Variants in TSPAN6 observed in about 807,000 individuals in gnomAD.
TSPAN6 encodes tetraspanin 6, also known as tetraspanin-6.
TSPAN6 carries 13 observed loss-of-function variants against 18.0 expected under a neutral mutation model. That is an observed-to-expected ratio of 0.72 (90% confidence interval 0.47 to 1.15). The LOEUF is 1.15. Among genes scored for constraint, TSPAN6 ranks in the 50% most tolerant of loss-of-function variants. TSPAN6 has a pLI of 0.00. For missense variants in TSPAN6, 186 were observed against 183.9 expected (o/e 1.01, Z -0.07); for synonymous variants, 82 against 67.0 (o/e 1.22, Z -1.09).
intron 6 of TSPAN6, among the ~76,000 whole-genome samples, chrX:100,631,648 T>G (rs778164125): frequency 2.7e-5 from 3 of 111,396 alleles, no homozygotes; most frequent in Non-Finnish European, 5.7e-5. Context: ...AGGTTGGAAC[T>G]TGTATACAAC....
chrX:100,630,794 T>G lies in TSPAN6; in HGVS notation c.*4A>C, dbSNP rs745988464. On this transcript the variant is annotated 3_prime_UTR_variant, in exon 7 of 8. Coordinates refer to ENST00000373020, the MANE Select transcript of TSPAN6 (RefSeq NM_003270.4). Reference sequence around the variant, plus strand: ...GAGAGGAATAGGCCCACAGATACATTGGGTTACACTATCTCATACTGGTTA... The same window carrying G: ...GAGAGGAATAGGCCCACAGATACATGGGGTTACACTATCTCATACTGGTTA... The G allele has an allele frequency of 8.3e-7, 1 of 1,209,409 alleles. No homozygotes were observed. The highest frequency in any genetic ancestry group is 1.1e-6 in the Non-Finnish European group (1 of 894,023).
At position 100,635,597 on chromosome X, in the gene TSPAN6, A is replaced by C; in HGVS notation, c.237T>G (p.Cys79Trp). Residue 79 changes from cysteine (C) to tryptophan (W), a missense_variant, in exon 2 of 8, where the codon TGT becomes TGG. Physicochemically the swap from Cys to Trp is radical, Grantham distance 215 (BLOSUM62 -2). Coordinates refer to ENST00000373020, the MANE Select transcript of TSPAN6 (RefSeq NM_003270.4). ...ATGCAGAAGCTCGGCAGGTAGCAAA[A>C]CAACCAAAGGTGCCCAAAAGAATAA... ...TVIILLGTFGCFATCRASAWM... is the reference protein window; with the variant it reads ...TVIILLGTFGWFATCRASAWM... The C allele has an allele frequency of 8.3e-7, 1 of 1,200,524 alleles. No homozygotes were observed. Among genetic ancestry groups the C allele is most frequent in the South Asian group, 1.8e-5 (1 of 54,653 alleles).
At chrX:100,635,767 T>C (rs1258979969) in intron 1 of TSPAN6, 21 bp from the exon 2 acceptor site, 62 of 1,120,514 alleles carry the variant, frequency 5.5e-5, no homozygotes, top group Admixed American at 1.1e-4. Context: ...ATTCAGAGAA[T>C]ACAAACAGTT....
intron 1 of TSPAN6, chrX:100,636,200 A>G: frequency 1.3e-6 from 1 of 793,386 alleles, no homozygotes; most frequent in Non-Finnish European, 1.5e-6. Flanking sequence ...CCTGCGAAAC[A>G]CTCCTCTCTT....
At chrX:100,630,483 G>A (rs1260262111) in intron 7 of TSPAN6, among the ~76,000 whole-genome samples, 1 of 111,710 alleles carries the variant, frequency 9.0e-6, no homozygotes, top group Non-Finnish European at 1.9e-5. Flanking sequence ...ATGATCTTTA[G>A]GCTGACATGT....
Position 100,633,410 on chromosome X carries a change from T to C in TSPAN6, c.580A>G (p.Asn194Asp), listed in dbSNP as rs770328851. The change falls in exon 5 of 8, where the codon AAT becomes GAT. Residue 194 changes from asparagine (N) to aspartate (D), a missense_variant. Transcript: ENST00000373020. ...AATTTTAAAAGGCACCTTACTTCAT[T>C]GTTTACTTTGTCTGCATCTCTCTGT... is the stretch of plus-strand genomic sequence containing the variant. ...TPQRDADKVN[N>D]EGCFIKVMTI... 1.1e-5 allele frequency: 13 copies of C among 1,208,145 alleles called. No homozygotes were observed. Among genetic ancestry groups the C allele is most frequent in the Admixed American group, 4.4e-5 (2 of 45,611 alleles).
rs1047709706 is a variant in TSPAN6, at chrX:100,635,641, T to G, written c.193A>C (p.Ile65Leu). The G allele has an allele frequency of 8.3e-7, 1 of 1,201,546 alleles. No homozygotes were observed. The highest frequency in any genetic ancestry group is 1.8e-5 in the African/African-American group (1 of 57,092). The change falls in exon 2 of 8, where the codon ATT (isoleucine) becomes CTT (leucine). Residue 65 changes from isoleucine to leucine, a missense_variant. Ile to Leu is a conservative substitution (Grantham distance 5, BLOSUM62 2). Transcript: ENST00000373020. ...AGAATAATGACGGTACCAGTAGCAATGAGCACGAAGGGGACATTGGTGGCC... is the reference window on the plus strand; with the variant it reads ...AGAATAATGACGGTACCAGTAGCAAGGAGCACGAAGGGGACATTGGTGGCC... ...EKATNVPFVL[I>L]ATGTVIILLG...
chrX:100,633,822 C>G (rs1186635647), intron 4 of TSPAN6, 109 bp downstream of exon 4: 2 of 565,382 alleles, frequency 3.5e-6, no homozygotes, highest in Non-Finnish European at 5.6e-6. Flanking sequence ...AAATGAAACA[C>G]GTCACACTTC....
rs1297950533 is a variant in TSPAN6, at chrX:100,635,693, C to T, written c.141G>A (p.Glu47=). 1 of 1,188,496 alleles carries T rather than the reference C, an allele frequency of 8.4e-7. No individual in the cohort carries two copies. Among genetic ancestry groups the T allele is most frequent in the South Asian group, 1.9e-5 (1 of 53,410 alleles). Residue 47 remains glutamate, a synonymous_variant, in exon 2 of 8, where the codon GAG becomes GAA. Coordinates refer to ENST00000373020, the MANE Select transcript of TSPAN6 (RefSeq NM_003270.4). ...TCTCATTTAAAAGAGAAAAGTAATT[C>T]TCCAGGCTCACCTTGCCCCAAATGC... ...AVGIWGKVSL[E]NYFSLLNEKA... is the part of the protein sequence containing the mutation.
Position 100,627,211 on chromosome X carries a change from T to A in TSPAN6, c.*2815A>T, listed in dbSNP as rs1177923146. 8.9e-6 allele frequency: 1 copy of A among 112,111 alleles called. No individual in the cohort carries two copies. Among genetic ancestry groups the A allele is most frequent in the Non-Finnish European group, 1.9e-5 (1 of 53,271 alleles). 9.2% of individuals were successfully genotyped at this position (112,111 alleles called of 1,213,427 possible). The stretch of plus-strand genomic sequence containing the variant: ...TGGAAATCTAACAAGCTTTTCACAC[T>A]TAAGATATACCTAGAGATTTCTGCT... On this transcript the variant is annotated 3_prime_UTR_variant, in exon 8 of 8. Coordinates refer to ENST00000373020, the MANE Select transcript of TSPAN6 (RefSeq NM_003270.4).
In TSPAN6 at chrX:100,628,768, T is replaced by G. The variant is rs2083040422; in HGVS notation, c.*1258A>C. 1.8e-5 allele frequency: 2 copies of G among 112,327 alleles called. No individual in the cohort carries two copies. Among genetic ancestry groups the G allele is most frequent in the South Asian group, 7.4e-4 (2 of 2,705 alleles). 9.3% of individuals were successfully genotyped at this position (112,327 alleles called of 1,213,427 possible). ...ATATTTGCACTTTAAGATTTTTTTGTTTACATTAAGTTCTGGGATACATGT... is the reference window on the plus strand; with the variant it reads ...ATATTTGCACTTTAAGATTTTTTTGGTTACATTAAGTTCTGGGATACATGT... On this transcript the variant is annotated 3_prime_UTR_variant, in exon 8 of 8. Coordinates refer to ENST00000373020, the MANE Select transcript of TSPAN6 (RefSeq NM_003270.4).
chrX:100,633,850 TAAC>T, intron 4 of TSPAN6, 78 bp downstream of exon 4: 1 of 699,088 alleles, frequency 1.4e-6, no homozygotes, highest in Non-Finnish European at 2.2e-6. Context: ...TACAGGTGGA[TAAC>T]ATCTAGTAGC....
In TSPAN6 at chrX:100,633,915, G is replaced by A; in HGVS notation, c.450+16C>T. On this transcript the variant is annotated intron_variant, in intron 4 of 7. Transcript: ENST00000373020. ...ACAGGGAATGTGTTCCCCTCTAGGTGGTGGTTACCACTTACCGTATTTTGG... is the reference window on the plus strand; with the variant it reads ...ACAGGGAATGTGTTCCCCTCTAGGTAGTGGTTACCACTTACCGTATTTTGG... 8.9e-7 allele frequency: 1 copy of A among 1,118,775 alleles called. No individual in the cohort carries two copies. Among genetic ancestry groups the A allele is most frequent in the Non-Finnish European group, 1.2e-6 (1 of 815,039 alleles). The allele number at this position is 1,118,775 out of a possible 1,213,427, so 92.2% of individuals were successfully genotyped here.
Position 100,628,385 on chromosome X carries a change from C to T in TSPAN6, c.*1641G>A, listed in dbSNP as rs2083038002. 1 of 111,499 alleles carries T rather than the reference C, an allele frequency of 9.0e-6. No individual in the cohort carries two copies. Among genetic ancestry groups the T allele is most frequent in the African/African-American group, 3.3e-5 (1 of 30,626 alleles). The allele number at this position is 111,499 out of a possible 1,213,427, so 9.2% of individuals were successfully genotyped here. On this transcript the variant is annotated 3_prime_UTR_variant, in exon 8 of 8. Transcript: ENST00000373020. ...CTCCAAGCATTTTAAAACACATACTCAAAATTCATGATCATTTAACTAGTA... is the reference window on the plus strand; with the variant it reads ...CTCCAAGCATTTTAAAACACATACTTAAAATTCATGATCATTTAACTAGTA...
At chrX:100,636,465 G>T in intron 1 of TSPAN6, 143 bp downstream of exon 1, 1 of 1,015,289 alleles carries the variant, frequency 9.8e-7, no homozygotes, top group South Asian at 3.5e-5. Context: ...CCCAGTCACT[G>T]GTCGCCGGCG....
At chrX:100,631,461 T>C (rs1161352144) in intron 6 of TSPAN6, among the ~76,000 whole-genome samples, 1 of 112,138 alleles carries the variant, frequency 8.9e-6, no homozygotes, top group Non-Finnish European at 1.9e-5. Context: ...AAGACGAAAC[T>C]TGAATTAGTC....
At chrX:100,636,338 GC>G in intron 1 of TSPAN6, 1 of 927,999 alleles carries the variant, frequency 1.1e-6, no homozygotes, top group Non-Finnish European at 1.3e-6. Context: ...GCCCCACCTC[GC>G]CTCCCGTATC....
Position 100,635,580 on chromosome X carries a change from G to A in TSPAN6, c.254C>T (p.Ala85Val), listed in dbSNP as rs2083908555. ...GTFGCFATCR[A>V]SAWMLKLYAM... ...CACCAGTTTTAGCATCCATGCAGAA[G>A]CTCGGCAGGTAGCAAAACAACCAAA... Residue 85 changes from alanine to valine, a missense_variant, in exon 2 of 8, where the codon GCT becomes GTT. Ala to Val is a moderately conservative substitution (Grantham distance 64). Transcript: ENST00000373020. The A allele has an allele frequency of 8.4e-7, 1 of 1,197,502 alleles. No individual in the cohort carries two copies.
chrX:100,634,103 G>A (rs2083078465), intron 3 of TSPAN6, 74 bp from the exon 4 acceptor site: 3 of 634,043 alleles, frequency 4.7e-6, no homozygotes, highest in East Asian at 6.6e-5. Flanking sequence ...ATAAGTTCTC[G>A]AATCTGACCA....
Sources: gnomAD v4.1 joint callset for allele counts (sites outside exome capture counted in the v4.1 genomes callset) on GRCh38, gnomAD v4.1.1 for gene constraint, MANE v1.5 for transcripts, NCBI Gene and HGNC (gene_info 2026-07-23, HGNC 2026-07-21) for gene names.